TOR4A: variants seen among roughly 807,000 people sequenced by gnomAD.
TOR4A encodes torsin family 4 member A.
In TOR4A, 12 loss-of-function variants were observed where a neutral mutation model predicts 11.5. The observed-to-expected ratio is 1.04, with a 90% CI of 0.67 to 1.69. The LOEUF is 1.69. Among genes scored for constraint, TOR4A ranks in the 40% most tolerant of loss-of-function variants. The pLI, the probability that TOR4A is intolerant of heterozygous loss-of-function variation, is 0.00. For missense variants in TOR4A, 640 were observed against 643.2 expected, an observed-to-expected ratio of 0.99 and a Z score of 0.05; for synonymous variants, 362 against 307.4, an observed-to-expected ratio of 1.18 and a Z score of -1.86.
chr9:137,279,899 G>A lies in TOR4A; in HGVS notation c.1210G>A (p.Ala404Thr). 6.3e-7 allele frequency: 1 copy of A among 1,578,604 alleles called. No homozygotes were observed. ...CGCGCAGCTCAGCTTCTACCGCGTG[G>A]CTGGCCGCGAGTTTGCCGTCACCGG... is the stretch of plus-strand genomic sequence containing the variant. ...LAAQLSFYRV[A>T]GREFAVTGCK... Residue 404 changes from alanine (A) to threonine (T), a missense_variant, in exon 2 of 2, where the codon GCT becomes ACT. Ala to Thr is a moderately conservative substitution (Grantham distance 58, BLOSUM62 0). Transcript: ENST00000357503.
Position 137,279,364 on chromosome 9 carries a change from T to A in TOR4A, c.675T>A (p.His225Gln). ...ACAGCGCGCTCGTGCTGCAATACCA[T>A]GCGCGGCACCACTGCCCCGAGGCGC... ...LEDSALVLQY[H>Q]ARHHCPEARA... Residue 225 changes from histidine to glutamine, a missense_variant, in exon 2 of 2, where the codon CAT becomes CAA. By Grantham distance (24) the His-to-Gln change is conservative. Transcript: ENST00000357503. 1 of 1,526,640 alleles carries A rather than the reference T, an allele frequency of 6.6e-7. No homozygotes were observed. The highest frequency in any genetic ancestry group is 8.8e-7 in the Non-Finnish European group (1 of 1,139,616). The allele number at this position is 1,526,640 out of a possible 1,614,324, so 94.6% of individuals were successfully genotyped here.
Position 137,280,587 on chromosome 9 carries a change from C to T in TOR4A, c.*626C>T, listed in dbSNP as rs1350061293. 1 of 167,268 alleles carries T rather than the reference C, an allele frequency of 6.0e-6. No homozygotes were observed. Among genetic ancestry groups the T allele is most frequent in the East Asian group, 1.9e-4 (1 of 5,196 alleles). The allele number at this position is 167,268 out of a possible 1,614,324, so 10.4% of individuals were successfully genotyped here. On this transcript the variant is annotated 3_prime_UTR_variant, in exon 2 of 2. Coordinates refer to ENST00000357503, the MANE Select transcript of TOR4A (RefSeq NM_017723.3). The stretch of plus-strand genomic sequence containing the variant: ...GACCCCCCAACCCCGGGCCCGCCAG[C>T]CCTGGCTTGGGCTTACTGGGTGACC...
chr9:137,278,855 G>T lies in TOR4A; in HGVS notation c.166G>T (p.Gly56Trp). The change falls in exon 2 of 2, where the codon GGG becomes TGG. Residue 56 changes from glycine to tryptophan, a missense_variant. Transcript: ENST00000357503. ...GGGTGGGGGGCCCGACGTCGGGACCGGGGCGCCCAGGCCGGGCTGCAGCCC... is the reference window on the plus strand; with the variant it reads ...GGGTGGGGGGCCCGACGTCGGGACCTGGGCGCCCAGGCCGGGCTGCAGCCC... ...QPGGGPDVGTGAPRPGCSPRA... is the reference protein window; with the variant it reads ...QPGGGPDVGTWAPRPGCSPRA... 6.6e-7 allele frequency: 1 copy of T among 1,523,634 alleles called. No individual in the cohort carries two copies. The highest frequency in any genetic ancestry group is 2.5e-5 in the East Asian group (1 of 40,290). The allele number at this position is 1,523,634 out of a possible 1,614,324, so 94.4% of individuals were successfully genotyped here. A position where few individuals can be genotyped will look rare whatever the true frequency, so the allele number is the denominator to read the frequency against.
chr9:137,277,976 CTTCT>C (rs1830664330), intron 1 of TOR4A, 69 bp downstream of exon 1: 1 of 152,998 alleles, frequency 6.5e-6, no homozygotes, highest in Non-Finnish European at 1.5e-5. Flanking sequence ...CGACCGGCCT[CTTCT>C]TTCTGTCCAT....
At chr9:137,278,619 G>A (rs1830673568) in intron 1 of TOR4A, 34 bp from the exon 2 acceptor site, 2 of 1,216,284 alleles carry the variant, frequency 1.6e-6, no homozygotes, top group Non-Finnish European at 2.1e-6. Context: ...GCAGTGGCGG[G>A]AGTCCAGAGA....
intron 1 of TOR4A, among the ~76,000 whole-genome samples, chr9:137,278,409 G>A (rs1242363864): frequency 2.0e-5 from 3 of 151,984 alleles, no homozygotes; most frequent in African/African-American, 7.2e-5. Flanking sequence ...GCCCGCGGCC[G>A]TTTATGGGAA....
chr9:137,281,446 G>T lies in TOR4A; in HGVS notation c.*1485G>T. The T allele has an allele frequency of 6.2e-6, 1 of 160,570 alleles. No homozygotes were observed. The allele number at this position is 160,570 out of a possible 1,614,324, so 9.9% of individuals were successfully genotyped here. A position where few individuals can be genotyped will look rare whatever the true frequency, so the allele number is the denominator to read the frequency against. ...CAGAGGTCCTGCGGCTTCCCGGAGGGTGTCCTGTTCTCTCCCCCGCCTCGC... is the reference window on the plus strand; with the variant it reads ...CAGAGGTCCTGCGGCTTCCCGGAGGTTGTCCTGTTCTCTCCCCCGCCTCGC... On this transcript the variant is annotated 3_prime_UTR_variant, in exon 2 of 2. Transcript: ENST00000357503.
In TOR4A at chr9:137,279,550, C is replaced by T. The variant is rs371663521; in HGVS notation, c.861C>T (p.Arg287=). 3.8e-6 allele frequency: 6 copies of T among 1,585,772 alleles called. No homozygotes were observed. In the African/African-American group the frequency reaches 4.0e-5, roughly 11 times the overall value. The part of the protein sequence containing the change: ...DELHGFLQPQ[R]SHHFHNAIYV... ...TGCACGGCTTCCTGCAGCCGCAGCG[C>T]TCCCACCACTTCCACAACGCCATCT... The change falls in exon 2 of 2, where the codon CGC becomes CGT. Residue 287 remains arginine (R), a synonymous_variant. Transcript: ENST00000357503.
At position 137,278,981 on chromosome 9, in the gene TOR4A, C is replaced by T. The variant is rs755675049; in HGVS notation, c.292C>T (p.Arg98Cys). 1.2e-6 allele frequency: 2 copies of T among 1,606,562 alleles called. No individual in the cohort carries two copies. Among genetic ancestry groups the T allele is most frequent in the Admixed American group, 1.7e-5 (1 of 59,578 alleles). Residue 98 changes from arginine (R) to cysteine (C), a missense_variant, in exon 2 of 2, where the codon CGC (arginine) becomes TGC (cysteine). Arg to Cys is a radical substitution (Grantham distance 180). Coordinates refer to ENST00000357503, the MANE Select transcript of TOR4A (RefSeq NM_017723.3). ...GCCACGCAAGAAGCGCCGGCGCAGC[C>T]GCCTGGTGCTTTACCCGGAGACCTC... ...RTPRKKRRRSRLVLYPETSRK... is the reference protein window; with the variant it reads ...RTPRKKRRRSCLVLYPETSRK...
At position 137,278,850 on chromosome 9, in the gene TOR4A, G is replaced by C; in HGVS notation, c.161G>C (p.Gly54Ala). Residue 54 changes from glycine to alanine, a missense_variant, in exon 2 of 2, where the codon GGG becomes GCG. Transcript: ENST00000357503. ...CAGCCGGGTGGGGGGCCCGACGTCG[G>C]GACCGGGGCGCCCAGGCCGGGCTGC... is the stretch of plus-strand genomic sequence containing the variant. ...LLQPGGGPDV[G>A]TGAPRPGCSP... 6.6e-7 allele frequency: 1 copy of C among 1,518,484 alleles called. No homozygotes were observed. Among genetic ancestry groups the C allele is most frequent in the Non-Finnish European group, 8.8e-7 (1 of 1,140,200 alleles). 94.1% of individuals were successfully genotyped at this position (1,518,484 alleles called of 1,614,324 possible). A position where few individuals can be genotyped will look rare whatever the true frequency, so the allele number is the denominator to read the frequency against.
intron 1 of TOR4A, among the ~76,000 whole-genome samples, chr9:137,278,350 G>A (rs1286112834): frequency 6.6e-6 from 1 of 152,184 alleles, no homozygotes; most frequent in African/African-American, 2.4e-5. Context: ...ACTCCTCCAG[G>A]AAGCCGGGGC....
Position 137,280,043 on chromosome 9 carries a change from G to C in TOR4A, c.*82G>C. 1 of 1,408,492 alleles carries C rather than the reference G, an allele frequency of 7.1e-7. No individual in the cohort carries two copies. The highest frequency in any genetic ancestry group is 1.4e-5 in the South Asian group (1 of 69,972). 87.2% of individuals were successfully genotyped at this position (1,408,492 alleles called of 1,614,324 possible). On this transcript the variant is annotated 3_prime_UTR_variant, in exon 2 of 2. Coordinates refer to ENST00000357503, the MANE Select transcript of TOR4A (RefSeq NM_017723.3). ...ACCTTGTGGGCTGGTGCAGGCCCCT[G>C]AGGTTTCTAGTGAATTTGTGGCTGC...
rs1830687491 is a variant in TOR4A at position 137,279,392 on chromosome 9, G to A, written c.703G>A (p.Ala235Thr). 3.9e-6 allele frequency: 6 copies of A among 1,524,434 alleles called. No homozygotes were observed. The highest frequency in any genetic ancestry group is 2.1e-5 in the Admixed American group (1 of 47,980). The allele number at this position is 1,524,434 out of a possible 1,614,324, so 94.4% of individuals were successfully genotyped here. A position where few individuals can be genotyped will look rare whatever the true frequency, so the allele number is the denominator to read the frequency against. Residue 235 changes from alanine (A) to threonine (T), a missense_variant, in exon 2 of 2, where the codon GCC becomes ACC. Transcript: ENST00000357503. ...HARHHCPEAR[A>T]AQDCREELAR... The stretch of plus-strand genomic sequence containing the variant: ...GCGGCACCACTGCCCCGAGGCGCGC[G>A]CCGCACAGGACTGCCGCGAGGAGCT...
chr9:137,281,458 CT>C lies in TOR4A; in HGVS notation c.*1498del, dbSNP rs1050082333. On this transcript the variant is annotated 3_prime_UTR_variant, in exon 2 of 2. Coordinates refer to ENST00000357503, the MANE Select transcript of TOR4A (RefSeq NM_017723.3). ...GGCTTCCCGGAGGGTGTCCTGTTCT[CT>C]CCCCCGCCTCGCATCCATTCTCGCC... 1 of 161,344 alleles carries C rather than the reference CT, an allele frequency of 6.2e-6. No individual in the cohort carries two copies. The highest frequency in any genetic ancestry group is 2.4e-5 in the African/African-American group (1 of 41,474). The allele number at this position is 161,344 out of a possible 1,614,324, so 10.0% of individuals were successfully genotyped here. A position where few individuals can be genotyped will look rare whatever the true frequency, so the allele number is the denominator to read the frequency against.
rs1169082148 is a variant in TOR4A at position 137,280,010 on chromosome 9, G to A, written c.*49G>A. 1 of 1,507,782 alleles carries A rather than the reference G, an allele frequency of 6.6e-7. No individual in the cohort carries two copies. The highest frequency in any genetic ancestry group is 8.9e-7 in the Non-Finnish European group (1 of 1,120,020). 93.4% of individuals were successfully genotyped at this position (1,507,782 alleles called of 1,614,324 possible). On this transcript the variant is annotated 3_prime_UTR_variant, in exon 2 of 2. Transcript: ENST00000357503. The stretch of plus-strand genomic sequence containing the variant: ...GGGTTGATGGCGGCAGTAGGAGGGC[G>A]ACCAGGGACCTTGTGGGCTGGTGCA...
At chr9:137,278,557 C>T in intron 1 of TOR4A, 96 bp from the exon 2 acceptor site, 2 of 930,054 alleles carry the variant, frequency 2.2e-6, no homozygotes, top group Non-Finnish European at 2.8e-6. Context: ...CCACGGGACT[C>T]CCAGGGGGTA....
chr9:137,278,004 C>G (rs929529269), intron 1 of TOR4A, 97 bp downstream of exon 1: 3 of 153,002 alleles, frequency 2.0e-5, no homozygotes, highest in African/African-American at 7.2e-5. Flanking sequence ...TTCGTTTCAC[C>G]TCCACTAGTC....
rs1830663392 is a variant in TOR4A, at chr9:137,277,902, C to G, written c.-43C>G. The G allele has an allele frequency of 6.6e-6, 1 of 152,442 alleles. No homozygotes were observed. The highest frequency in any genetic ancestry group is 2.4e-5 in the African/African-American group (1 of 41,464). The allele number at this position is 152,442 out of a possible 1,614,324, so 9.4% of individuals were successfully genotyped here. ...TGCGGAGCTGAGGGCAGTGGACCAG[C>G]TGCAGGTAGGGGGTGGGTTGGGGCC... is the stretch of plus-strand genomic sequence containing the variant. On this transcript the variant is annotated 5_prime_UTR_variant, in exon 1 of 2. Coordinates refer to ENST00000357503, the MANE Select transcript of TOR4A (RefSeq NM_017723.3).
At position 137,279,556 on chromosome 9, in the gene TOR4A, C is replaced by T. The variant is rs769359928; in HGVS notation, c.867C>T (p.His289=). Residue 289 remains histidine, a synonymous_variant, in exon 2 of 2, where the codon CAC becomes CAT. Transcript: ENST00000357503. The part of the protein sequence containing the change: ...LHGFLQPQRS[H]HFHNAIYVLL... Reference sequence around the variant, plus strand: ...GCTTCCTGCAGCCGCAGCGCTCCCACCACTTCCACAACGCCATCTACGTGC... The same window carrying T: ...GCTTCCTGCAGCCGCAGCGCTCCCATCACTTCCACAACGCCATCTACGTGC... The T allele has an allele frequency of 7.6e-6, 12 of 1,585,868 alleles. No individual in the cohort carries two copies. In the East Asian group the frequency reaches 1.8e-4, roughly 24 times the overall value.
Sources: gnomAD v4.1 joint callset for allele counts (sites outside exome capture counted in the v4.1 genomes callset) on GRCh38, gnomAD v4.1.1 for gene constraint, MANE v1.5 for transcripts, NCBI Gene and HGNC (gene_info 2026-07-23, HGNC 2026-07-21) for gene names.